Variants in ABTB3 observed in about 807,000 individuals in gnomAD.
The protein encoded by ABTB3 is ankyrin repeat- and BTB/POZ domain-containing protein 3.
At chr12:107,395,885 G>A in the ABTB3 span, among the ~76,000 whole-genome samples, 1 of 152,274 alleles carries the variant, frequency 6.6e-6, no homozygotes, top group Non-Finnish European at 1.5e-5. Context: ...GGGGCAAAGA[G>A]GTGGTGACCA....
the ABTB3 span, among the ~76,000 whole-genome samples, chr12:107,483,907 G>A: frequency 2.6e-5 from 4 of 152,088 alleles, no homozygotes; most frequent in Admixed American, 2.0e-4. Flanking sequence ...GTCCACACTC[G>A]TCTTGAACTC....
At chr12:107,568,229 T>G in the ABTB3 span, among the ~76,000 whole-genome samples, 7 of 152,254 alleles carry the variant, frequency 4.6e-5, no homozygotes, top group Non-Finnish European at 8.8e-5. Context: ...TGTAACAGCT[T>G]GCTCATCATT....
At chr12:107,377,228 C>A in the ABTB3 span, among the ~76,000 whole-genome samples, 1 of 152,184 alleles carries the variant, frequency 6.6e-6, no homozygotes, top group Non-Finnish European at 1.5e-5. Flanking sequence ...CCCCCATGCA[C>A]CAATTTAGGA....
chr12:107,346,357 A>T, the ABTB3 span, among the ~76,000 whole-genome samples: 1 of 152,230 alleles, frequency 6.6e-6, no homozygotes, highest in Non-Finnish European at 1.5e-5. Context: ...ATCCAGGGCC[A>T]GGAAATGGCC....
At chr12:107,650,644 C>T in the ABTB3 span, 3 of 152,252 alleles carry the variant, frequency 2.0e-5, no homozygotes, top group African/African-American at 7.2e-5. Flanking sequence ...ATTCTCCTGC[C>T]TCGGCCTCCC....
At chr12:107,654,815 T>TACACACACACACACACACACACACACAC in the ABTB3 span, among the ~76,000 whole-genome samples, 2 of 141,218 alleles carry the variant, frequency 1.4e-5, no homozygotes, top group African/African-American at 5.4e-5. Flanking sequence ...CTACATTGTA[T>TACACACACACACACACACACACACACAC]ACACACACAC....
chr12:107,635,050 G>C, the ABTB3 span: 3 of 373,226 alleles, frequency 8.0e-6, no homozygotes, highest in African/African-American at 2.1e-5. Flanking sequence ...CCAGAGAGAA[G>C]AATTTCTTAA....
the ABTB3 span, among the ~76,000 whole-genome samples, chr12:107,359,027 G>A: frequency 4.6e-5 from 7 of 152,216 alleles, no homozygotes; most frequent in Non-Finnish European, 8.8e-5. Context: ...GGCAGGTTGC[G>A]GGCAGCAGCA....
chr12:107,481,928 T>TCTCTCTC, the ABTB3 span, among the ~76,000 whole-genome samples: 1 of 146,964 alleles, frequency 6.8e-6, no homozygotes, highest in Non-Finnish European at 1.5e-5. Context: ...TCTCTCTCTC[T>TCTCTCTC]TTCTTTCTCC....
the ABTB3 span, among the ~76,000 whole-genome samples, chr12:107,530,714 G>T: frequency 6.6e-6 from 1 of 152,146 alleles, no homozygotes; most frequent in Non-Finnish European, 1.5e-5. Flanking sequence ...TTATCATGTG[G>T]ATGTACTAGA....
At chr12:107,572,379 G>A in the ABTB3 span, among the ~76,000 whole-genome samples, 2 of 152,008 alleles carry the variant, frequency 1.3e-5, no homozygotes, top group South Asian at 4.2e-4. Context: ...TCCAAAATAT[G>A]GCCACCAGAT....
the ABTB3 span, among the ~76,000 whole-genome samples, chr12:107,450,686 A>G: frequency 6.6e-6 from 1 of 152,178 alleles, no homozygotes; most frequent in South Asian, 2.1e-4. Flanking sequence ...ATATGCGTTC[A>G]GTTCATGAAA....
At chr12:107,527,238 G>A in the ABTB3 span, among the ~76,000 whole-genome samples, 1 of 151,994 alleles carries the variant, frequency 6.6e-6, no homozygotes, top group Admixed American at 6.6e-5. Flanking sequence ...CACCAAGACT[G>A]TAAATCCCAC....
chr12:107,506,158 A>G, the ABTB3 span, among the ~76,000 whole-genome samples: 1 of 152,250 alleles, frequency 6.6e-6, no homozygotes, highest in Non-Finnish European at 1.5e-5. Context: ...AATAGTGTAT[A>G]TGCATTCTGC....
the ABTB3 span, among the ~76,000 whole-genome samples, chr12:107,413,002 C>A: frequency 6.6e-6 from 1 of 152,066 alleles, no homozygotes; most frequent in Non-Finnish European, 1.5e-5. Context: ...AGGCCGGGCG[C>A]GGTGGCTCAC....
the ABTB3 span, among the ~76,000 whole-genome samples, chr12:107,638,184 T>C: frequency 7.9e-5 from 12 of 152,274 alleles, no homozygotes; most frequent in Middle Eastern, 0.01. Flanking sequence ...AGAGCCTTTT[T>C]TTAAAAAATG....
At chr12:107,505,358 G>A in the ABTB3 span, among the ~76,000 whole-genome samples, 4,053 of 152,078 alleles carry the variant, frequency 0.027, 185 homozygotes, top group African/African-American at 0.092. Context: ...CAATAATTAA[G>A]CAGTGTGATT....
the ABTB3 span, among the ~76,000 whole-genome samples, chr12:107,543,338 C>CAAAA: frequency 1.3e-5 from 1 of 78,068 alleles, no homozygotes; most frequent in African/African-American, 4.9e-5. Context: ...GACTCCATCT[C>CAAAA]AAAAAAAAAA....
At chr12:107,395,824 A>C in the ABTB3 span, among the ~76,000 whole-genome samples, 4 of 152,352 alleles carry the variant, frequency 2.6e-5, no homozygotes, top group Admixed American at 2.6e-4. Flanking sequence ...GAGGGAGCCA[A>C]GGCACAGAGA....
Sources: gnomAD v4.1 joint callset for allele counts (sites outside exome capture counted in the v4.1 genomes callset) on GRCh38, gnomAD v4.1.1 for gene constraint, MANE v1.5 for transcripts, NCBI Gene and HGNC (gene_info 2026-07-23, HGNC 2026-07-21) for gene names.